ANKS3: variants seen among roughly 807,000 people sequenced by gnomAD.
The protein encoded by ANKS3 is ankyrin repeat and SAM domain-containing protein 3.
In ANKS3, 62 loss-of-function variants were observed where a neutral mutation model predicts 80.7. The observed-to-expected ratio is 0.77, with a 90% confidence interval of 0.63 to 0.95. The LOEUF (loss-of-function observed/expected upper bound fraction) is 0.95, where lower values mean the gene tolerates loss of function less well. Ranked by LOEUF, ANKS3 falls within the 40% of genes least tolerant of loss-of-function variation. The pLI is 0.00. For synonymous variants in ANKS3, 489 were observed against 355.3 expected (o/e 1.38, Z -4.23); for missense variants, 1,150 against 883.6 (o/e 1.30, Z -3.82).
At chr16:4,725,030 C>A in intron 5 of ANKS3, 199 bp from the exon 6 acceptor site, 1 of 470,448 alleles carries the variant, frequency 2.1e-6, no homozygotes, top group Non-Finnish European at 3.8e-6. Flanking sequence ...TGGTGTCTGT[C>A]CCCAGGGCTG....
chr16:4,701,139 A>C lies in ANKS3; in HGVS notation c.1120-5T>G. On this transcript the variant is annotated splice_polypyrimidine_tract_variant and splice_region_variant and intron_variant, in intron 10 of 17. Transcript: ENST00000304283. The stretch of plus-strand genomic sequence containing the variant: ...TTTACAGGCATGATCCGAGTCCTGC[A>C]GTGAGAGGCGTGCATCTGAAAGAGT... The C allele has an allele frequency of 1.9e-6, 3 of 1,613,776 alleles. No homozygotes were observed. Among genetic ancestry groups the C allele is most frequent in the Non-Finnish European group, 2.5e-6 (3 of 1,180,016 alleles).
At chr16:4,732,141 G>A (rs1008890019) in intron 1 of ANKS3, among the ~76,000 whole-genome samples, 2 of 151,836 alleles carry the variant, frequency 1.3e-5, no homozygotes, top group African/African-American at 4.8e-5. Flanking sequence ...AGGTGCGGTG[G>A]GGCAAGCAAA....
At chr16:4,699,232 C>T (rs2079766842) in intron 11 of ANKS3, 56 bp from the exon 12 acceptor site, 7 of 1,591,928 alleles carry the variant, frequency 4.4e-6, no homozygotes, top group South Asian at 3.4e-5. Context: ...GAAGCAGAGA[C>T]GTTTTCCTCC....
chr16:4,712,396 A>T (rs1161334197), intron 7 of ANKS3, among the ~76,000 whole-genome samples: 1 of 152,136 alleles, frequency 6.6e-6, no homozygotes, highest in African/African-American at 2.4e-5. Flanking sequence ...AAAAAAAAAG[A>T]AGAAAGAAAA....
chr16:4,714,925 G>C (rs1038917230), intron 6 of ANKS3, among the ~76,000 whole-genome samples: 5 of 143,338 alleles, frequency 3.5e-5, no homozygotes, highest in African/African-American at 1.3e-4. Context: ...CCGGGAAGCG[G>C]AGGCTGCAGT....
chr16:4,727,302 G>A (rs931968214), intron 3 of ANKS3, 125 bp from the exon 4 acceptor site: 1 of 952,740 alleles, frequency 1.0e-6, no homozygotes, highest in African/African-American at 1.6e-5. Flanking sequence ...TGCCACCCTG[G>A]ACGTTGTGGG....
rs1348063480 is a variant in ANKS3, at chr16:4,703,354, A to G, written c.869-1112T>C. 2.0e-5 allele frequency among the ~76,000 whole-genome samples: 3 copies of G among 152,052 alleles called. No individual in the cohort carries two copies. In the East Asian group the frequency reaches 5.8e-4, roughly 29 times the overall value. ...GTCTCACAACTCCTGAGCCCAAGCAATCTTCCTACCTCAGCCTTCCAAAGT... is the reference window on the plus strand; with the variant it reads ...GTCTCACAACTCCTGAGCCCAAGCAGTCTTCCTACCTCAGCCTTCCAAAGT... On this transcript the variant is annotated intron_variant, in intron 8 of 17. Coordinates refer to ENST00000304283, the MANE Select transcript of ANKS3 (RefSeq NM_133450.4).
At position 4,705,151 on chromosome 16, in the gene ANKS3, G is replaced by C; in HGVS notation, c.812C>G (p.Ala271Gly). Reference sequence around the variant, plus strand: ...GCCAATGCCTGTGATCCTGGCCAGGGCTCGCGGTCCCTCGTGGATGCTGAC... The same window carrying C: ...GCCAATGCCTGTGATCCTGGCCAGGCCTCGCGGTCCCTCGTGGATGCTGAC... Reference protein sequence around the residue: ...KGVSIHEGPRALARITGIGLG... With the variant: ...KGVSIHEGPRGLARITGIGLG... Residue 271 changes from alanine to glycine, a missense_variant, in exon 8 of 18, where the codon GCC (alanine) becomes GGC (glycine). By Grantham distance (60) the Ala-to-Gly change is moderately conservative. Coordinates refer to ENST00000304283, the MANE Select transcript of ANKS3 (RefSeq NM_133450.4). The C allele has an allele frequency of 6.2e-7, 1 of 1,613,650 alleles. No homozygotes were observed. Among genetic ancestry groups the C allele is most frequent in the Non-Finnish European group, 8.5e-7 (1 of 1,180,046 alleles).
At chr16:4,714,430 C>T in intron 6 of ANKS3, 1 of 551,800 alleles carries the variant, frequency 1.8e-6, no homozygotes, top group Non-Finnish European at 3.2e-6. Flanking sequence ...CTCCCACGCT[C>T]ATGACCTCCC....
At chr16:4,719,012 T>A (rs779254986) in intron 6 of ANKS3, among the ~76,000 whole-genome samples, 1 of 152,022 alleles carries the variant, frequency 6.6e-6, no homozygotes, top group Non-Finnish European at 1.5e-5. Context: ...TGAGGTGAAA[T>A]GTTAACATTT....
Position 4,714,078 on chromosome 16 carries a change from G to C in ANKS3, c.682C>G (p.Leu228Val), listed in dbSNP as rs1222383238. ...GGGCTCCGATAGAGGCTCTTGGGCA[G>C]AGAGGGCGAGTAAGTGTCCATCAAG... ...VALMDTYSPSLPKSLYRSPEK... is the reference protein window; with the variant it reads ...VALMDTYSPSVPKSLYRSPEK... The change falls in exon 7 of 18, where the codon CTG becomes GTG. Residue 228 changes from leucine to valine, a missense_variant. By Grantham distance (32) the Leu-to-Val change is conservative. Transcript: ENST00000304283. The C allele has an allele frequency of 6.2e-7, 1 of 1,614,230 alleles. No homozygotes were observed. Among genetic ancestry groups the C allele is most frequent in the South Asian group, 1.1e-5 (1 of 91,076 alleles).
chr16:4,722,812 G>A (rs1229115854), intron 6 of ANKS3, among the ~76,000 whole-genome samples: 1 of 151,482 alleles, frequency 6.6e-6, no homozygotes, highest in Admixed American at 6.6e-5. Flanking sequence ...CAGCTACTCG[G>A]GAGGCTGAGG....
intron 1 of ANKS3, 149 bp downstream of exon 1, chr16:4,733,789 T>C (rs940077350): frequency 4.7e-5 from 19 of 406,518 alleles, no homozygotes; most frequent in Non-Finnish European, 6.0e-5. Context: ...TTAAAAATCT[T>C]AACAAATGTG....
intron 6 of ANKS3, among the ~76,000 whole-genome samples, chr16:4,714,916 C>T (rs184866667): frequency 6.6e-4 from 88 of 132,908 alleles, no homozygotes; most frequent in African/African-American, 2.4e-3. Flanking sequence ...TGCTTGAACC[C>T]GGGAAGCGGA....
Position 4,699,498 on chromosome 16 carries a change from G to A in ANKS3, c.1285-322C>T, listed in dbSNP as rs1364795438. 6.8e-5 allele frequency: 23 copies of A among 337,724 alleles called. No homozygotes were observed. In the Admixed American group the frequency reaches 7.1e-4, roughly 10 times the overall value. 20.9% of individuals were successfully genotyped at this position (337,724 alleles called of 1,614,324 possible). Reference sequence around the variant, plus strand: ...CGACAATGCTTTGTAGGCGGAGAGCGCTGCCCTCTAATTCTAGAGTCTCAG... The same window carrying A: ...CGACAATGCTTTGTAGGCGGAGAGCACTGCCCTCTAATTCTAGAGTCTCAG... On this transcript the variant is annotated intron_variant, in intron 11 of 17. Transcript: ENST00000304283.
chr16:4,722,419 A>C (rs1400487806), intron 6 of ANKS3, among the ~76,000 whole-genome samples: 3 of 151,812 alleles, frequency 2.0e-5, no homozygotes, highest in Non-Finnish European at 2.9e-5. Flanking sequence ...TCTCTACTAA[A>C]AATACAAAAA....
chr16:4,707,421 G>T (rs1325423479), intron 7 of ANKS3, among the ~76,000 whole-genome samples: 6 of 151,634 alleles, frequency 4.0e-5, no homozygotes, highest in African/African-American at 9.7e-5. Flanking sequence ...AGCTGGGATT[G>T]TAAGTATGTG....
chr16:4,703,962 CCCA>C (rs1284522549), intron 8 of ANKS3, among the ~76,000 whole-genome samples: 2 of 152,182 alleles, frequency 1.3e-5, no homozygotes, highest in Admixed American at 6.5e-5. Context: ...CCTTCCTGTC[CCCA>C]CCACACCTCA....
Position 4,698,946 on chromosome 16 carries a change from G to C in ANKS3, c.1410-5C>G. 1 of 1,604,396 alleles carries C rather than the reference G, an allele frequency of 6.2e-7. No homozygotes were observed. The highest frequency in any genetic ancestry group is 1.1e-5 in the South Asian group (1 of 90,144). ...TTCCTCTTGGGCCCAAACAGCCTGCGGGGGGAATGTGACCAGGATATGCCT... is the reference window on the plus strand; with the variant it reads ...TTCCTCTTGGGCCCAAACAGCCTGCCGGGGGAATGTGACCAGGATATGCCT... On this transcript the variant is annotated splice_polypyrimidine_tract_variant and splice_region_variant and intron_variant, in intron 12 of 17. Coordinates refer to ENST00000304283, the MANE Select transcript of ANKS3 (RefSeq NM_133450.4).
Sources: allele counts gnomAD v4.1 joint callset (sites outside exome capture counted in the v4.1 genomes callset), GRCh38; gene constraint gnomAD v4.1.1; transcripts MANE v1.5; gene names NCBI Gene and HGNC (gene_info 2026-07-23, HGNC 2026-07-21).